FREM3: variants seen among roughly 807,000 people sequenced by gnomAD.
FREM3 encodes the protein FRAS1 related extracellular matrix 3.
A neutral mutation model predicts 129.1 loss-of-function variants in FREM3; 105 were observed. That is an observed-to-expected ratio of 0.81 (90% confidence interval 0.69 to 0.96). The LOEUF (loss-of-function observed/expected upper bound fraction) is 0.96. FREM3 is among the 40% of genes least tolerant of loss of function. FREM3 has a pLI of 0.00. For synonymous variants in FREM3, 1,014 were observed against 1,044.9 expected, an observed-to-expected ratio of 0.97 and a Z score of 0.57; for missense variants, 2,593 against 2,666.3, an observed-to-expected ratio of 0.97 and a Z score of 0.61.
In FREM3 at chr4:143,695,945, G is replaced by A; in HGVS notation, c.4731C>T (p.Thr1577=). 1 of 1,537,782 alleles carries A rather than the reference G, an allele frequency of 6.5e-7. No individual in the cohort carries two copies. The highest frequency in any genetic ancestry group is 8.7e-7 in the Non-Finnish European group (1 of 1,147,004). ...AAATCTTGCCATGCATGGGGACCTG[G>A]GTGATGGTAAAGAGAATAAGGTCAT... ...TPDDLILFTI[T]QVPMHGKILY... The change falls in exon 1 of 8, where the codon ACC becomes ACT. Residue 1577 remains threonine, a synonymous_variant. Transcript: ENST00000329798.
At chr4:143,686,750 A>T (rs1424663562) in intron 2 of FREM3, among the ~76,000 whole-genome samples, 1 of 152,186 alleles carries the variant, frequency 6.6e-6, no homozygotes, top group African/African-American at 2.4e-5. Flanking sequence ...CAAAATCAAG[A>T]TGGAAATTAA....
chr4:143,682,435 A>G (rs1217063745), intron 2 of FREM3, among the ~76,000 whole-genome samples: 1 of 152,026 alleles, frequency 6.6e-6, no homozygotes, highest in African/African-American at 2.4e-5. Context: ...GCGGGCTACC[A>G]CTTCTGTTAC....
chr4:143,585,728 A>C lies in FREM3; in HGVS notation c.6178+116T>G. On this transcript the variant is annotated intron_variant, in intron 7 of 7. Transcript: ENST00000329798. The surrounding 1 kb of genome is among the most constrained non-coding windows in gnomAD (Gnocchi z 4.2). The stretch of plus-strand genomic sequence containing the variant: ...CAAACCATCTACGTGCTGAAGCCAG[A>C]GAAACTTTCATTCAGAGTCCATCAA... 9.6e-7 allele frequency: 1 copy of C among 1,047,046 alleles called. No homozygotes were observed. Among genetic ancestry groups the C allele is most frequent in the South Asian group, 1.8e-5 (1 of 56,438 alleles). The allele number at this position is 1,047,046 out of a possible 1,614,324, so 64.9% of individuals were successfully genotyped here.
rs112715675 is a variant in FREM3, at chr4:143,649,688, C to A, written c.5276-21928G>T. ...AAGCTGTATATAAATTTTTTTCTCA[C>A]CTTGTCTGTCATTGCAAATGAAACT... On this transcript the variant is annotated intron_variant, in intron 2 of 7. Coordinates refer to ENST00000329798, the MANE Select transcript of FREM3 (RefSeq NM_001168235.2). Among the ~76,000 whole-genome samples the A allele has an allele frequency of 1.3e-3, 191 of 152,226 alleles. 3 individuals are homozygous for A. Among genetic ancestry groups the A allele is most frequent in the African/African-American group, 4.4e-3 (181 of 41,534 alleles).
intron 2 of FREM3, among the ~76,000 whole-genome samples, chr4:143,659,187 C>A (rs1380737704): frequency 2.0e-5 from 3 of 151,764 alleles, no homozygotes; most frequent in Admixed American, 6.6e-5. Flanking sequence ...TGGTGTGCTG[C>A]ACCCATTAAC....
chr4:143,664,666 G>GT (rs1431543790), intron 2 of FREM3, among the ~76,000 whole-genome samples: 1 of 152,162 alleles, frequency 6.6e-6, no homozygotes, highest in Non-Finnish European at 1.5e-5. Flanking sequence ...CTGTCTTTTT[G>GT]TTTGTCTGTG....
chr4:143,699,352 C>T lies in FREM3; in HGVS notation c.1324G>A (p.Val442Met), dbSNP rs1274417753. 1.3e-6 allele frequency: 2 copies of T among 1,537,382 alleles called. No individual in the cohort carries two copies. Among genetic ancestry groups the T allele is most frequent in the Non-Finnish European group, 1.7e-6 (2 of 1,146,946 alleles). Residue 442 changes from valine (V) to methionine (M), a missense_variant, in exon 1 of 8, where the codon GTG becomes ATG. This residue lies in a region of FREM3 where 2,276 missense variants were observed against 2,267.2 expected (regional missense o/e 1.00). Transcript: ENST00000329798. The surrounding 1 kb of genome is among the most constrained non-coding windows in gnomAD (Gnocchi z 4.2). ...VPVASHNRGL[V>M]LFEGQSRPLS... ...GGCCTTGACTGACCTTCAAAAAGCA[C>T]AAGTCCCCTGTTATGGCTAGCCACT...
rs750865613 is a variant in FREM3, at chr4:143,696,699, G to C, written c.3977C>G (p.Thr1326Arg). 5.1e-5 allele frequency: 79 copies of C among 1,537,774 alleles called. No individual in the cohort carries two copies. The highest frequency in any genetic ancestry group is 6.4e-5 in the Non-Finnish European group (73 of 1,147,082). The change falls in exon 1 of 8, where the codon ACA becomes AGA. Residue 1326 changes from threonine (T) to arginine (R), a missense_variant. By Grantham distance (71) the Thr-to-Arg change is moderately conservative. Around this residue, in one of 2 missense-constraint regions of FREM3, gnomAD observed 2,276 missense variants for 2,267.2 expected, o/e 1.00. Coordinates refer to ENST00000329798, the MANE Select transcript of FREM3 (RefSeq NM_001168235.2). ...ATCTGTGGCCTTGAGGATCCGATTT[G>C]TGATGATCTCAGAGTGTCCTTTCTC... ...KVEKGHSEII[T>R]NRILKATDLD...
chr4:143,636,198 G>A (rs1324491904), intron 2 of FREM3, among the ~76,000 whole-genome samples: 1 of 149,366 alleles, frequency 6.7e-6, no homozygotes, highest in African/African-American at 2.5e-5. Flanking sequence ...TAAAATTGAT[G>A]TCCTAATGTT....
chr4:143,666,434 A>G (rs939124680), intron 2 of FREM3, among the ~76,000 whole-genome samples: 3 of 152,174 alleles, frequency 2.0e-5, no homozygotes, highest in Non-Finnish European at 4.4e-5. Context: ...CTTGTATGCC[A>G]GTGTTCACTG....
intron 2 of FREM3, among the ~76,000 whole-genome samples, chr4:143,635,978 T>C (rs1739226788): frequency 6.6e-6 from 1 of 152,094 alleles, no homozygotes; most frequent in African/African-American, 2.4e-5. Flanking sequence ...AGTAGCTCTC[T>C]GGCCTTAGGC....
intron 2 of FREM3, among the ~76,000 whole-genome samples, chr4:143,648,055 G>T (rs983077977): frequency 2.0e-5 from 3 of 152,202 alleles, no homozygotes; most frequent in Non-Finnish European, 4.4e-5. Context: ...AGCCCACCTC[G>T]TGCATCAGCA....
chr4:143,682,794 CT>C (rs1740279454), intron 2 of FREM3, among the ~76,000 whole-genome samples: 1 of 152,156 alleles, frequency 6.6e-6, no homozygotes, highest in African/African-American at 2.4e-5. Context: ...TCCTTTAATA[CT>C]TGTGGTAGAG....
chr4:143,683,884 C>T (rs140491135), intron 2 of FREM3, among the ~76,000 whole-genome samples: 238 of 152,212 alleles, frequency 1.6e-3, no homozygotes, highest in African/African-American at 5.1e-3. Flanking sequence ...CTGTGACTGC[C>T]GGCTTTCCCC....
chr4:143,605,150 T>A (rs1181042291), intron 6 of FREM3, among the ~76,000 whole-genome samples: 1 of 152,134 alleles, frequency 6.6e-6, no homozygotes, highest in East Asian at 1.9e-4. Flanking sequence ...TTGGGTCATG[T>A]ACTGGATTTT....
intron 6 of FREM3, among the ~76,000 whole-genome samples, chr4:143,592,701 A>G (rs1418498236): frequency 6.6e-6 from 1 of 152,140 alleles, no homozygotes; most frequent in African/African-American, 2.4e-5. Context: ...ACTTTGGTGA[A>G]TCTGACAATT....
rs866294362 is a variant in FREM3, at chr4:143,697,312, C to G, written c.3364G>C (p.Ala1122Pro). The G allele has an allele frequency of 6.5e-7, 1 of 1,537,084 alleles. No individual in the cohort carries two copies. The highest frequency in any genetic ancestry group is 1.4e-5 in the African/African-American group (1 of 73,036). ...QPASGYLEKIASAPGSKMSQS... is the reference protein window; with the variant it reads ...QPASGYLEKIPSAPGSKMSQS... ...GACATTTTTGAACCAGGAGCTGATG[C>G]AATCTTTTCCAGGTAGCCAGAGGCT... Residue 1122 changes from alanine (A) to proline (P), a missense_variant, in exon 1 of 8, where the codon GCA (alanine) becomes CCA (proline). Transcript: ENST00000329798.
At chr4:143,650,308 T>C (rs1739488449) in intron 2 of FREM3, among the ~76,000 whole-genome samples, 1 of 152,224 alleles carries the variant, frequency 6.6e-6, no homozygotes, top group Non-Finnish European at 1.5e-5. Flanking sequence ...CACAAAGCTC[T>C]TGTTCAGGAG....
chr4:143,608,495 G>C (rs935894085), intron 6 of FREM3, among the ~76,000 whole-genome samples: 2 of 152,094 alleles, frequency 1.3e-5, no homozygotes, highest in Non-Finnish European at 2.9e-5. Context: ...TCTGGTGTTT[G>C]AGCCTATTCT....
Sources: allele counts gnomAD v4.1 joint callset (sites outside exome capture counted in the v4.1 genomes callset), GRCh38; gene constraint gnomAD v4.1.1; regional missense constraint gnomAD v4.1.1; non-coding constraint Gnocchi (gnomAD v3.1); transcripts MANE v1.5; gene names NCBI Gene and HGNC (gene_info 2026-07-23, HGNC 2026-07-21).